The following ATXN1 variants were observed in gnomAD, a reference collection of about 807,000 sequenced individuals.
ATXN1 encodes the protein ataxin 1, also known as ataxin-1.
Under a neutral mutation model 56.4 loss-of-function variants are expected in ATXN1, and 8 were observed. That is an observed-to-expected ratio of 0.14 (90% CI 0.08 to 0.26). ATXN1 has a LOEUF of 0.26. ATXN1 is among the 10% of genes least tolerant of loss of function. ATXN1 has a pLI of 1.00. For missense variants in ATXN1, 987 were observed against 1,106.5 expected, an observed-to-expected ratio of 0.89 and a Z score of 1.53; for synonymous variants, 514 against 494.6, an observed-to-expected ratio of 1.04 and a Z score of -0.52.
At chr6:16,355,718 C>T (rs1332256238) in intron 6 of ATXN1, among the ~76,000 whole-genome samples, 2 of 152,196 alleles carry the variant, frequency 1.3e-5, no homozygotes, top group African/African-American at 2.4e-5. Flanking sequence ...TGCGCCACCA[C>T]GCCCGGCTAA....
At chr6:16,627,704 G>A (rs1169477653) in intron 3 of ATXN1, among the ~76,000 whole-genome samples, 1 of 152,118 alleles carries the variant, frequency 6.6e-6, no homozygotes, top group African/African-American at 2.4e-5. Flanking sequence ...TCCAGCCTGG[G>A]TGGCAGAGCA....
intron 4 of ATXN1, among the ~76,000 whole-genome samples, chr6:16,550,002 G>C (rs1761889365): frequency 6.6e-6 from 1 of 151,472 alleles, no homozygotes; most frequent in Non-Finnish European, 1.5e-5. Context: ...CACACACCGG[G>C]GTCTGTTGGG....
chr6:16,306,374 C>T lies in ATXN1; in HGVS notation c.2403G>A (p.Gln801=), dbSNP rs1328534706. The change falls in exon 8 of 8, where the codon CAG becomes CAA. Residue 801 remains glutamine, a synonymous_variant. Coordinates refer to ENST00000436367, the MANE Select transcript of ATXN1 (RefSeq NM_001128164.2). The surrounding 1 kb of genome is among the most constrained non-coding windows in gnomAD (Gnocchi z 5.2). ...LTLPKPSLIP[Q]EVKICIEGRS... is the part of the protein sequence containing the mutation. ...GGCCTTCAATGCAAATCTTAACCTCCTGAGGAATTAGAGAAGGCTTAGGAA... is the reference window on the plus strand; with the variant it reads ...GGCCTTCAATGCAAATCTTAACCTCTTGAGGAATTAGAGAAGGCTTAGGAA... 6.2e-7 allele frequency: 1 copy of T among 1,613,754 alleles called. No individual in the cohort carries two copies.
intron 4 of ATXN1, among the ~76,000 whole-genome samples, chr6:16,574,493 G>A (rs1214617871): frequency 2.6e-5 from 4 of 152,174 alleles, no homozygotes; most frequent in African/African-American, 9.7e-5. Context: ...ACAGGCATGA[G>A]CCACCGCACC....
At chr6:16,568,694 C>T (rs1482951984) in intron 4 of ATXN1, among the ~76,000 whole-genome samples, 1 of 152,012 alleles carries the variant, frequency 6.6e-6, no homozygotes, top group Non-Finnish European at 1.5e-5. Flanking sequence ...TCTGCCTCTC[C>T]TATACTTCTC....
At chr6:16,631,045 A>G (rs1020110455) in intron 3 of ATXN1, among the ~76,000 whole-genome samples, 1 of 152,206 alleles carries the variant, frequency 6.6e-6, no homozygotes, top group Non-Finnish European at 1.5e-5. Flanking sequence ...CTCTTTGTTG[A>G]TAATAATAAT....
intron 6 of ATXN1, among the ~76,000 whole-genome samples, chr6:16,354,687 G>A (rs1363913312): frequency 1.3e-5 from 2 of 152,140 alleles, no homozygotes; most frequent in Non-Finnish European, 2.9e-5. Flanking sequence ...CACTTTGAGG[G>A]GTGAGAGCTC....
intron 2 of ATXN1, among the ~76,000 whole-genome samples, chr6:16,742,261 C>T (rs1176010679): frequency 1.3e-5 from 2 of 152,164 alleles, no homozygotes; most frequent in Non-Finnish European, 2.9e-5. Context: ...GGAACACATT[C>T]TTTCCCACTT....
At position 16,543,241 on chromosome 6, in the gene ATXN1, C is replaced by T. The variant is rs545397440; in HGVS notation, c.-360-20553G>A. 3.2e-4 allele frequency among the ~76,000 whole-genome samples: 48 copies of T among 152,232 alleles called. No individual in the cohort carries two copies. The South Asian group carries it at 8.7e-3, about 28-fold the overall frequency. On this transcript the variant is annotated intron_variant, in intron 4 of 7. Coordinates refer to ENST00000436367, the MANE Select transcript of ATXN1 (RefSeq NM_001128164.2). Reference sequence around the variant, plus strand: ...AGCCACCACCACCTCTCATTCTGTGCGGGAGGGGACATGTGGCCCTAGCAC... The same window carrying T: ...AGCCACCACCACCTCTCATTCTGTGTGGGAGGGGACATGTGGCCCTAGCAC...
chr6:16,402,919 T>A (rs1758607921), intron 6 of ATXN1, among the ~76,000 whole-genome samples: 1 of 152,150 alleles, frequency 6.6e-6, no homozygotes. Context: ...CAGAAAAAAT[T>A]CACGAACTCC....
intron 6 of ATXN1, among the ~76,000 whole-genome samples, chr6:16,428,398 C>T (rs1456112380): frequency 2.0e-5 from 3 of 152,010 alleles, no homozygotes; most frequent in Non-Finnish European, 2.9e-5. Context: ...AGATTATAGA[C>T]ATGAGCCACC....
chr6:16,611,976 C>G lies in ATXN1; in HGVS notation c.-488-26069G>C, dbSNP rs184531149. Among the ~76,000 whole-genome samples the G allele has an allele frequency of 5.3e-3, 786 of 148,206 alleles. 4 individuals are homozygous for G. The highest frequency in any genetic ancestry group is 7.7e-3 in the Non-Finnish European group (522 of 67,408). On this transcript the variant is annotated intron_variant, in intron 3 of 7. Transcript: ENST00000436367. ...CTGGGTTCATGCCATTCTCCTGCCT[C>G]AGCCTTTCGAGTAGCTGGGACTACA...
intron 6 of ATXN1, among the ~76,000 whole-genome samples, chr6:16,389,366 A>C (rs1008715893): frequency 1.3e-4 from 19 of 151,862 alleles, no homozygotes; most frequent in African/African-American, 4.6e-4. Context: ...AAAAGGAAAG[A>C]AAAAGATGAT....
chr6:16,728,670 G>C (rs1327676427), intron 2 of ATXN1, among the ~76,000 whole-genome samples: 1 of 152,184 alleles, frequency 6.6e-6, no homozygotes, highest in Non-Finnish European at 1.5e-5. Context: ...GATTTTCTTA[G>C]TCCTTACATT....
At chr6:16,317,892 G>C (rs1760554256) in intron 7 of ATXN1, among the ~76,000 whole-genome samples, 1 of 152,102 alleles carries the variant, frequency 6.6e-6, no homozygotes. Flanking sequence ...ACCTAGACAG[G>C]GAGACAACAC....
chr6:16,664,580 A>C (rs910177653), intron 2 of ATXN1, among the ~76,000 whole-genome samples: 2 of 152,110 alleles, frequency 1.3e-5, no homozygotes, highest in African/African-American at 4.8e-5. Context: ...TGTGTATTGT[A>C]AATCTATGAG....
intron 6 of ATXN1, among the ~76,000 whole-genome samples, chr6:16,458,874 G>A (rs1581777442): frequency 6.6e-6 from 1 of 152,196 alleles, no homozygotes; most frequent in African/African-American, 2.4e-5. Flanking sequence ...CAGGACTGAG[G>A]GTGCCTGGTG....
intron 4 of ATXN1, 128 bp downstream of exon 4, chr6:16,585,652 T>G (rs1378689834): frequency 4.6e-5 from 7 of 152,290 alleles, no homozygotes; most frequent in African/African-American, 1.7e-4. Context: ...GGAGTCTACA[T>G]GAATAGACAT....
intron 3 of ATXN1, among the ~76,000 whole-genome samples, chr6:16,628,890 G>T (rs1174282009): frequency 6.6e-6 from 1 of 152,060 alleles, no homozygotes; most frequent in African/African-American, 2.4e-5. Context: ...GGTTGATTCT[G>T]TGTCTTTGCT....
Sources: allele counts gnomAD v4.1 joint callset (sites outside exome capture counted in the v4.1 genomes callset), GRCh38; gene constraint gnomAD v4.1.1; non-coding constraint Gnocchi (gnomAD v3.1); transcripts MANE v1.5; gene names NCBI Gene and HGNC (gene_info 2026-07-23, HGNC 2026-07-21).